The following NINL variants were observed in gnomAD, a reference collection of about 807,000 sequenced individuals.
NINL encodes the protein ninein like, also known as ninein-like protein.
Under a neutral mutation model 160.3 loss-of-function variants are expected in NINL, and 153 were observed. That is an observed-to-expected ratio of 0.95 (90% CI 0.84 to 1.09). The LOEUF (loss-of-function observed/expected upper bound fraction) is 1.09, where lower values mean the gene tolerates loss of function less well. Among genes scored for constraint, NINL ranks in the 50% least tolerant of loss-of-function variants. The pLI is 0.00. For missense variants in NINL, 1,829 were observed against 1,764.0 expected (o/e 1.04, Z -0.66); for synonymous variants, 800 against 734.8 (o/e 1.09, Z -1.43).
chr20:25,568,853 G>A (rs1335177450), intron 1 of NINL, among the ~76,000 whole-genome samples: 1 of 151,966 alleles, frequency 6.6e-6, no homozygotes, highest in African/African-American at 2.4e-5. Context: ...TTGGGAGGCT[G>A]AGGCAGGAGG....
chr20:25,558,234 G>A (rs1289691086), intron 1 of NINL, among the ~76,000 whole-genome samples: 1 of 152,190 alleles, frequency 6.6e-6, no homozygotes, highest in African/African-American at 2.4e-5. Flanking sequence ...TTGAGATGGA[G>A]TCTTGCTCTG....
At chr20:25,463,029 A>G (rs911504857) in intron 19 of NINL, among the ~76,000 whole-genome samples, 5 of 152,272 alleles carry the variant, frequency 3.3e-5, no homozygotes, top group South Asian at 2.1e-4. Context: ...ACCAGGTACA[A>G]CTTTGCTCCT....
intron 7 of NINL, 21 bp downstream of exon 7, chr20:25,503,931 G>T: frequency 1.2e-6 from 2 of 1,614,032 alleles, no homozygotes; most frequent in Non-Finnish European, 1.7e-6. Flanking sequence ...CTGGGTTCAG[G>T]ATTTAACTGT....
At chr20:25,512,811 G>T (rs1304500197) in intron 4 of NINL, 23 bp downstream of exon 4, 2 of 1,588,896 alleles carry the variant, frequency 1.3e-6, no homozygotes, top group South Asian at 2.3e-5. Flanking sequence ...GGGCAGCTGG[G>T]GTGGGAGAGG....
In NINL at chr20:25,576,109, T is replaced by G. The variant is rs2065111755; in HGVS notation, c.-12+9346A>C. On this transcript the variant is annotated intron_variant, in intron 1 of 23. Coordinates refer to ENST00000278886, the MANE Select transcript of NINL (RefSeq NM_025176.6). ...TGGTGCCAACAATGTCCTTTACAGC[T>G]ATCTTTTTCACCCCAGTCCAGTTTC... 2.0e-5 allele frequency among the ~76,000 whole-genome samples: 3 copies of G among 152,266 alleles called. No individual in the cohort carries two copies. The South Asian group carries it at 6.2e-4, about 31-fold the overall frequency.
intron 1 of NINL, among the ~76,000 whole-genome samples, chr20:25,538,804 G>C (rs891791355): frequency 1.3e-4 from 20 of 151,938 alleles, no homozygotes; most frequent in African/African-American, 4.8e-4. Context: ...GGGGAGCACA[G>C]GGGTGGAGAA....
chr20:25,462,706 G>A, intron 19 of NINL, 165 bp from the exon 20 acceptor site: 2 of 608,268 alleles, frequency 3.3e-6, no homozygotes, highest in East Asian at 3.2e-5. Context: ...CCTGGCTGGA[G>A]TGCGGTGGCA....
intron 1 of NINL, among the ~76,000 whole-genome samples, chr20:25,556,133 T>A (rs2064863778): frequency 1.3e-5 from 2 of 152,062 alleles, no homozygotes. Flanking sequence ...AAGCAAAAAA[T>A]TAGCCAAGAG....
At chr20:25,569,724 A>C (rs1326107985) in intron 1 of NINL, among the ~76,000 whole-genome samples, 1 of 152,160 alleles carries the variant, frequency 6.6e-6, no homozygotes, top group African/African-American at 2.4e-5. Flanking sequence ...GGTGTGGAGC[A>C]AGCACGGAGG....
At chr20:25,584,444 G>C (rs1487775775) in intron 1 of NINL, among the ~76,000 whole-genome samples, 1 of 151,954 alleles carries the variant, frequency 6.6e-6, no homozygotes, top group African/African-American at 2.4e-5. Context: ...TGGGCAACAA[G>C]AGTGAAACTT....
At chr20:25,464,553 C>T (rs1164992823) in intron 19 of NINL, among the ~76,000 whole-genome samples, 1 of 152,212 alleles carries the variant, frequency 6.6e-6, no homozygotes, top group East Asian at 1.9e-4. Flanking sequence ...TAGCCGACAA[C>T]ACTCCCCCAA....
intron 5 of NINL, among the ~76,000 whole-genome samples, chr20:25,508,896 CTTTCCTGA>C (rs1568928016): frequency 6.6e-6 from 1 of 152,250 alleles, no homozygotes; most frequent in Non-Finnish European, 1.5e-5. Flanking sequence ...CGGCCTTCCT[CTTTCCTGA>C]AGCACATGAC....
At chr20:25,552,760 G>A (rs1342782863) in intron 1 of NINL, among the ~76,000 whole-genome samples, 1 of 152,280 alleles carries the variant, frequency 6.6e-6, no homozygotes, top group African/African-American at 2.4e-5. Context: ...GTGCTGAACA[G>A]GGATGGGAAA....
chr20:25,520,178 T>C (rs1211337170), intron 2 of NINL, among the ~76,000 whole-genome samples: 1 of 151,990 alleles, frequency 6.6e-6, no homozygotes, highest in African/African-American at 2.4e-5. Context: ...GTTACACAGG[T>C]GCGCTCAGTT....
At chr20:25,577,891 G>T (rs1336610258) in intron 1 of NINL, among the ~76,000 whole-genome samples, 1 of 151,286 alleles carries the variant, frequency 6.6e-6, no homozygotes, top group Non-Finnish European at 1.5e-5. Context: ...GGAATGCAAT[G>T]GCGCGATCTC....
At chr20:25,519,501 T>C (rs1016704909) in intron 2 of NINL, among the ~76,000 whole-genome samples, 1 of 152,206 alleles carries the variant, frequency 6.6e-6, no homozygotes, top group Non-Finnish European at 1.5e-5. Flanking sequence ...GTCTAACATG[T>C]TTTTATTTTA....
intron 11 of NINL, among the ~76,000 whole-genome samples, chr20:25,491,134 G>C (rs2063622622): frequency 6.6e-6 from 1 of 152,220 alleles, no homozygotes; most frequent in South Asian, 2.1e-4. Context: ...TGGTGGGGAA[G>C]GAGGGGCAAT....
intron 1 of NINL, among the ~76,000 whole-genome samples, chr20:25,527,436 A>C (rs1414844404): frequency 6.6e-6 from 1 of 152,148 alleles, no homozygotes; most frequent in Admixed American, 6.5e-5. Context: ...TACAGGTGTG[A>C]ACCACCGCAC....
At chr20:25,541,620 A>G (rs1047161321) in intron 1 of NINL, among the ~76,000 whole-genome samples, 1 of 152,252 alleles carries the variant, frequency 6.6e-6, no homozygotes, top group African/African-American at 2.4e-5. Context: ...AGTTATAGAC[A>G]TGAGATTATC....
Sources: allele counts gnomAD v4.1 joint callset (sites outside exome capture counted in the v4.1 genomes callset), GRCh38; gene constraint gnomAD v4.1.1; transcripts MANE v1.5; gene names NCBI Gene and HGNC (gene_info 2026-07-23, HGNC 2026-07-21).